CSMD1: variants seen among roughly 807,000 people sequenced by gnomAD.
CSMD1 encodes the protein CUB and sushi domain-containing protein 1.
A neutral mutation model predicts 417.5 loss-of-function variants in CSMD1; 213 were observed. That is an observed-to-expected ratio of 0.51 (90% CI 0.46 to 0.57). The LOEUF is 0.57. CSMD1 is among the 20% of genes least tolerant of loss of function. The probability of loss-of-function intolerance (pLI) is 0.00; values close to 1 mark genes in which losing one functional copy is unlikely to be tolerated. For missense variants in CSMD1, 6,923 were observed against 4,529.7 expected, an observed-to-expected ratio of 1.53 and a Z score of -15.17; for synonymous variants, 2,862 against 1,736.8, an observed-to-expected ratio of 1.65 and a Z score of -16.11.
At chr8:4,278,502 A>G (rs963016671) in intron 3 of CSMD1, among the ~76,000 whole-genome samples, 1 of 152,222 alleles carries the variant, frequency 6.6e-6, no homozygotes, top group African/African-American at 2.4e-5. Flanking sequence ...GGTTGACACA[A>G]AAGTAATTGT....
chr8:4,706,512 C>T (rs1384934343), intron 1 of CSMD1, among the ~76,000 whole-genome samples: 2 of 152,272 alleles, frequency 1.3e-5, no homozygotes, highest in East Asian at 3.9e-4. Context: ...TACTTTTATT[C>T]ACAAATCAAC....
At chr8:3,932,844 T>A (rs1810246793) in intron 5 of CSMD1, among the ~76,000 whole-genome samples, 1 of 150,514 alleles carries the variant, frequency 6.6e-6, no homozygotes, top group Admixed American at 6.6e-5. Flanking sequence ...ATGCTATTGT[T>A]ATTAGATTTC....
chr8:4,588,018 G>A (rs906906848), intron 2 of CSMD1, among the ~76,000 whole-genome samples: 1 of 152,098 alleles, frequency 6.6e-6, no homozygotes, highest in Non-Finnish European at 1.5e-5. Flanking sequence ...CACCATTTAA[G>A]CAAGCATAGG....
chr8:3,766,232 G>C (rs1478323749), intron 5 of CSMD1, among the ~76,000 whole-genome samples: 1 of 152,204 alleles, frequency 6.6e-6, no homozygotes, highest in Non-Finnish European at 1.5e-5. Flanking sequence ...TCTGCCGGAT[G>C]AGAGAGCTGT....
rs192811470 is a variant in CSMD1, at chr8:4,808,267, G to C, written c.86-170709C>G. Among the ~76,000 whole-genome samples the C allele has an allele frequency of 1.3e-4, 20 of 152,262 alleles. No homozygotes were observed. The East Asian group carries it at 3.9e-3, about 29-fold the overall frequency. On this transcript the variant is annotated intron_variant, in intron 1 of 69. Coordinates refer to ENST00000635120, the MANE Select transcript of CSMD1 (RefSeq NM_033225.6). Reference sequence around the variant, plus strand: ...AACGATGATCAGAGCATTTACTACAGATGCTGGTTGAAAAAGGGTGCTAAT... The same window carrying C: ...AACGATGATCAGAGCATTTACTACACATGCTGGTTGAAAAAGGGTGCTAAT...
rs564944273 is a variant in CSMD1 at position 3,580,883 on chromosome 8, G to T, written c.1222+5253C>A. On this transcript the variant is annotated intron_variant, in intron 9 of 69. Coordinates refer to ENST00000635120, the MANE Select transcript of CSMD1 (RefSeq NM_033225.6). ...AGAAAACACCAATGGAAAAGAAAAA[G>T]CTGTAAAAGTTTTTGGTAAATGATG... 7.9e-5 allele frequency among the ~76,000 whole-genome samples: 12 copies of T among 152,286 alleles called. No individual in the cohort carries two copies. The East Asian group carries it at 2.3e-3, about 29-fold the overall frequency.
intron 18 of CSMD1, among the ~76,000 whole-genome samples, chr8:3,383,901 G>A (rs371789821): frequency 1.5e-3 from 221 of 152,236 alleles, no homozygotes; most frequent in African/African-American, 4.8e-3. Context: ...GAGAAGCAGC[G>A]AAACACAGCT....
chr8:3,167,637 G>A (rs760883852), intron 37 of CSMD1, among the ~76,000 whole-genome samples: 1 of 152,200 alleles, frequency 6.6e-6, no homozygotes, highest in Non-Finnish European at 1.5e-5. Context: ...GATGTAGAAT[G>A]TAGCAAGAGA....
At chr8:3,499,154 T>C (rs772173116) in intron 10 of CSMD1, among the ~76,000 whole-genome samples, 15 of 152,184 alleles carry the variant, frequency 9.9e-5, no homozygotes, top group Non-Finnish European at 1.9e-4. Context: ...GGAAAAAACT[T>C]TTTCCTGTAG....
At chr8:2,970,937 C>T (rs1047501156) in intron 57 of CSMD1, among the ~76,000 whole-genome samples, 11 of 152,322 alleles carry the variant, frequency 7.2e-5, no homozygotes, top group African/African-American at 2.2e-4. Flanking sequence ...CATTCTTACA[C>T]ACCCTTTAGT....
At chr8:4,828,746 T>A (rs375838715) in intron 1 of CSMD1, among the ~76,000 whole-genome samples, 1 of 152,164 alleles carries the variant, frequency 6.6e-6, no homozygotes, top group East Asian at 1.9e-4. Flanking sequence ...CATTTGGAGG[T>A]ACATTACCTA....
At chr8:3,490,088 T>C (rs1382651358) in intron 11 of CSMD1, among the ~76,000 whole-genome samples, 1 of 152,214 alleles carries the variant, frequency 6.6e-6, no homozygotes, top group Admixed American at 6.5e-5. Flanking sequence ...TATCTGTTTA[T>C]TCAAAGAGAC....
chr8:4,167,585 G>T (rs904190123), intron 3 of CSMD1, among the ~76,000 whole-genome samples: 5 of 152,140 alleles, frequency 3.3e-5, no homozygotes, highest in African/African-American at 1.2e-4. Context: ...AACCATTTAA[G>T]GATATGCAAA....
At chr8:3,671,063 TGTATATGGG>T in intron 7 of CSMD1, among the ~76,000 whole-genome samples, 1 of 137,198 alleles carries the variant, frequency 7.3e-6, no homozygotes, top group African/African-American at 2.5e-5. Flanking sequence ...AGGATATATA[TGTATATGGG>T]ATATATACAT....
chr8:4,812,922 C>A (rs185666764), intron 1 of CSMD1, among the ~76,000 whole-genome samples: 2 of 152,142 alleles, frequency 1.3e-5, no homozygotes, highest in African/African-American at 4.8e-5. Context: ...TTTATAGCAA[C>A]ACTAAATCAT....
At chr8:3,776,807 G>GATATATATATATACATATATATATAT (rs1554432747) in intron 5 of CSMD1, among the ~76,000 whole-genome samples, 32 of 139,988 alleles carry the variant, frequency 2.3e-4, no homozygotes, top group African/African-American at 9.1e-4. Context: ...ATATAGACGA[G>GATATATATATATACATATATATATAT]ATATATATAT....
At chr8:4,261,134 T>C (rs1803850760) in intron 3 of CSMD1, among the ~76,000 whole-genome samples, 1 of 152,218 alleles carries the variant, frequency 6.6e-6, no homozygotes, top group African/African-American at 2.4e-5. Flanking sequence ...GTTAGACTCT[T>C]TTTTCTCCCT....
intron 3 of CSMD1, among the ~76,000 whole-genome samples, chr8:4,239,106 G>C (rs1022275169): frequency 6.6e-6 from 1 of 152,096 alleles, no homozygotes; most frequent in Admixed American, 6.6e-5. Flanking sequence ...ATTTTCTTAA[G>C]GGAGATTATG....
intron 7 of CSMD1, among the ~76,000 whole-genome samples, chr8:3,668,647 A>AC (rs1255757649): frequency 1.6e-4 from 24 of 152,100 alleles, no homozygotes; most frequent in Admixed American, 1.5e-3. Flanking sequence ...CAGAGTGTGC[A>AC]ATATAGAAGC....
Sources: gnomAD v4.1 joint callset for allele counts (sites outside exome capture counted in the v4.1 genomes callset) on GRCh38, gnomAD v4.1.1 for gene constraint, MANE v1.5 for transcripts, NCBI Gene and HGNC (gene_info 2026-07-23, HGNC 2026-07-21) for gene names.